CHCHD3: variants seen among roughly 807,000 people sequenced by gnomAD.
CHCHD3 encodes coiled-coil-helix-coiled-coil-helix domain containing 3, also known as MICOS complex subunit MIC19.
A neutral mutation model predicts 38.2 loss-of-function variants in CHCHD3; 20 were observed. The observed-to-expected ratio is 0.52, with a 90% CI of 0.37 to 0.76. CHCHD3 has a LOEUF of 0.76. Ranked by LOEUF, CHCHD3 falls within the 30% of genes least tolerant of loss-of-function variation. The pLI, the probability that CHCHD3 is intolerant of heterozygous loss-of-function variation, is 0.00. For missense variants in CHCHD3, 245 were observed against 279.2 expected, an observed-to-expected ratio of 0.88 and a Z score of 0.87; for synonymous variants, 82 against 100.0, an observed-to-expected ratio of 0.82 and a Z score of 1.07.
chr7:133,006,092 G>T (rs1812691355), intron 3 of CHCHD3, among the ~76,000 whole-genome samples: 1 of 152,088 alleles, frequency 6.6e-6, no homozygotes, highest in African/African-American at 2.4e-5. Flanking sequence ...AAATGATCTG[G>T]CAAGAATTAA....
chr7:132,794,940 C>A (rs1483723136), intron 7 of CHCHD3, among the ~76,000 whole-genome samples: 1 of 152,202 alleles, frequency 6.6e-6, no homozygotes, highest in Non-Finnish European at 1.5e-5. Context: ...CGCCATGTGG[C>A]GTATTTGCTT....
chr7:132,911,436 C>G (rs1406320738), intron 4 of CHCHD3, among the ~76,000 whole-genome samples: 1 of 152,160 alleles, frequency 6.6e-6, no homozygotes, highest in Non-Finnish European at 1.5e-5. Flanking sequence ...TCCCAGCAAC[C>G]ACCAGAATGC....
intron 6 of CHCHD3, among the ~76,000 whole-genome samples, chr7:132,806,691 CT>C (rs879700699): frequency 1.7e-3 from 242 of 145,328 alleles, no homozygotes; most frequent in Admixed American, 2.1e-3. Context: ...CTCTAACAGA[CT>C]TTTTTTTTTT....
chr7:132,855,567 T>C (rs2117122900), intron 5 of CHCHD3, among the ~76,000 whole-genome samples: 1 of 152,290 alleles, frequency 6.6e-6, no homozygotes, highest in East Asian at 1.9e-4. Context: ...AAAGGCCTTT[T>C]TGAAAGACTT....
chr7:132,838,275 C>G, intron 6 of CHCHD3, 124 bp downstream of exon 6: 1 of 602,590 alleles, frequency 1.7e-6, no homozygotes, highest in Non-Finnish European at 2.9e-6. Context: ...TCTCAACCAC[C>G]CCAAAACTCT....
intron 4 of CHCHD3, among the ~76,000 whole-genome samples, chr7:132,958,143 G>A (rs1196338018): frequency 1.3e-5 from 2 of 152,160 alleles, no homozygotes; most frequent in African/African-American, 4.8e-5. Context: ...ACGGGCATGA[G>A]GCTAAGAGGG....
chr7:132,824,358 G>A (rs1002741607), intron 6 of CHCHD3, among the ~76,000 whole-genome samples: 1 of 124,214 alleles, frequency 8.1e-6, no homozygotes, highest in Non-Finnish European at 1.6e-5. Context: ...TCGCTCTGTC[G>A]CTCAGGCTGG....
At chr7:133,040,268 A>G (rs1813796018) in intron 2 of CHCHD3, among the ~76,000 whole-genome samples, 1 of 152,172 alleles carries the variant, frequency 6.6e-6, no homozygotes, top group Non-Finnish European at 1.5e-5. Flanking sequence ...TCCCTACTGA[A>G]GGAGTGAAGG....
At chr7:132,899,980 C>T (rs1809623342) in intron 4 of CHCHD3, among the ~76,000 whole-genome samples, 1 of 152,212 alleles carries the variant, frequency 6.6e-6, no homozygotes, top group Non-Finnish European at 1.5e-5. Flanking sequence ...ACACATTAAA[C>T]AACATTTGGA....
At chr7:132,995,667 C>T (rs13239310) in intron 3 of CHCHD3, among the ~76,000 whole-genome samples, 67,616 of 152,012 alleles carry the variant, frequency 0.44, 15,313 homozygotes, top group East Asian at 0.55. Context: ...GGAGACAGAG[C>T]GTAAAACCTA....
intron 7 of CHCHD3, among the ~76,000 whole-genome samples, chr7:132,795,132 C>G (rs1230073085): frequency 6.6e-6 from 1 of 152,198 alleles, no homozygotes; most frequent in Non-Finnish European, 1.5e-5. Context: ...ATGTTAGAGA[C>G]CAGCATTGAA....
rs1381587726 is a variant in CHCHD3, at chr7:132,859,352, C to T, written c.454-20883G>A. Among the ~76,000 whole-genome samples, 6 of 152,250 alleles carry T rather than the reference C, an allele frequency of 3.9e-5. No individual in the cohort carries two copies. In the South Asian group the frequency reaches 6.2e-4, roughly 16 times the overall value. ...TGTCTGTGATGCCTTTGTGGATATC[C>T]AGACACTTGTTCTTAAATCTGTATA... On this transcript the variant is annotated intron_variant, in intron 5 of 7. Coordinates refer to ENST00000262570, the MANE Select transcript of CHCHD3 (RefSeq NM_017812.4).
intron 2 of CHCHD3, among the ~76,000 whole-genome samples, chr7:133,069,909 A>G (rs1814769618): frequency 1.3e-5 from 2 of 152,248 alleles, no homozygotes; most frequent in Admixed American, 6.5e-5. Flanking sequence ...AGCCTAGTAG[A>G]GGATTCAAGA....
intron 3 of CHCHD3, among the ~76,000 whole-genome samples, chr7:132,988,642 A>T (rs958401123): frequency 2.6e-5 from 4 of 152,200 alleles, no homozygotes; most frequent in Non-Finnish European, 5.9e-5. Context: ...AGCCAGGCTC[A>T]GTGGCTCATG....
intron 2 of CHCHD3, among the ~76,000 whole-genome samples, chr7:133,028,039 T>G (rs533525550): frequency 1.3e-5 from 2 of 152,118 alleles, no homozygotes. Context: ...CTACTTCTCA[T>G]AAAAAAGTAA....
At chr7:133,060,837 G>C (rs964194315) in intron 2 of CHCHD3, among the ~76,000 whole-genome samples, 1 of 152,210 alleles carries the variant, frequency 6.6e-6, no homozygotes, top group Non-Finnish European at 1.5e-5. Context: ...TTGAACCTGG[G>C]AGGTGGAGGT....
intron 4 of CHCHD3, among the ~76,000 whole-genome samples, chr7:132,937,589 C>T (rs1810661583): frequency 6.6e-6 from 1 of 152,130 alleles, no homozygotes; most frequent in East Asian, 1.9e-4. Context: ...TACTTCCATG[C>T]ATTTTAGAAG....
chr7:133,000,785 G>C (rs1812549663), intron 3 of CHCHD3, among the ~76,000 whole-genome samples: 1 of 152,102 alleles, frequency 6.6e-6, no homozygotes, highest in Non-Finnish European at 1.5e-5. Flanking sequence ...CTAGTAAAGA[G>C]ATGTTATATT....
chr7:133,021,498 T>C (rs955036229), intron 3 of CHCHD3, among the ~76,000 whole-genome samples: 1 of 152,178 alleles, frequency 6.6e-6, no homozygotes, highest in Admixed American at 6.5e-5. Context: ...GAGCTATATA[T>C]CCTTTATGCT....
Sources: allele counts gnomAD v4.1 joint callset (sites outside exome capture counted in the v4.1 genomes callset), GRCh38; gene constraint gnomAD v4.1.1; transcripts MANE v1.5; gene names NCBI Gene and HGNC (gene_info 2026-07-23, HGNC 2026-07-21).